MGMT: variants seen among roughly 807,000 people sequenced by gnomAD.
MGMT encodes methylated-DNA--protein-cysteine methyltransferase.
A neutral mutation model predicts 15.9 loss-of-function variants in MGMT; 14 were observed. The observed-to-expected ratio is 0.88, with a 90% CI of 0.58 to 1.37. The LOEUF is 1.37. MGMT is among the 40% of genes most tolerant of loss of function. The pLI is 0.00. For missense variants in MGMT, 282 were observed against 268.1 expected, an observed-to-expected ratio of 1.05 and a Z score of -0.36; for synonymous variants, 130 against 118.2, an observed-to-expected ratio of 1.10 and a Z score of -0.65.
At chr10:129,698,116 G>A (rs1848053200) in intron 2 of MGMT, among the ~76,000 whole-genome samples, 1 of 152,210 alleles carries the variant, frequency 6.6e-6, no homozygotes, top group South Asian at 2.1e-4. Context: ...CCTCAGCCGG[G>A]CAGGGCAAGC....
intron 2 of MGMT, among the ~76,000 whole-genome samples, chr10:129,640,945 A>T (rs1416715228): frequency 6.6e-6 from 1 of 152,216 alleles, no homozygotes; most frequent in Non-Finnish European, 1.5e-5. Flanking sequence ...ATGATAAAAG[A>T]TTGAATGTTT....
chr10:129,712,807 T>A (rs535135634), intron 3 of MGMT, among the ~76,000 whole-genome samples: 1 of 152,196 alleles, frequency 6.6e-6, no homozygotes, highest in Admixed American at 6.5e-5. Flanking sequence ...AAGCAAAGGC[T>A]CATCCAGCCC....
At chr10:129,664,696 A>G (rs1302364842) in intron 2 of MGMT, among the ~76,000 whole-genome samples, 2 of 152,234 alleles carry the variant, frequency 1.3e-5, no homozygotes, top group Non-Finnish European at 2.9e-5. Flanking sequence ...AGCCTAGAAC[A>G]AGAAGAATGA....
rs141915496 is a variant in MGMT, at chr10:129,688,750, A to G, written c.126-19145A>G. Among the ~76,000 whole-genome samples the G allele has an allele frequency of 6.0e-3, 910 of 152,290 alleles. 17 individuals carry two copies. The highest frequency in any genetic ancestry group is 0.043 in the Admixed American group (665 of 15,300). ...ATGGCAACAAAAGCCAAAATTGACA[A>G]ATGGTATCTAATTAAACTAAAGAAC... On this transcript the variant is annotated intron_variant, in intron 2 of 4. Coordinates refer to ENST00000651593, the MANE Select transcript of MGMT (RefSeq NM_002412.5).
At chr10:129,596,467 C>T (rs1313038341) in intron 2 of MGMT, among the ~76,000 whole-genome samples, 1 of 152,124 alleles carries the variant, frequency 6.6e-6, no homozygotes, top group Non-Finnish European at 1.5e-5. Context: ...ACCCTTCCTT[C>T]GGGATGTATC....
In MGMT at chr10:129,688,306, A is replaced by G. The variant is rs149530552; in HGVS notation, c.126-19589A>G. Among the ~76,000 whole-genome samples, 167 of 152,324 alleles carry G rather than the reference A, an allele frequency of 1.1e-3. 2 individuals are homozygous for G. The East Asian group carries it at 0.03, about 27-fold the overall frequency. ...GGTTGAACTAGTTTACAGTCCCACC[A>G]ACAGTATTAAAGTGTTCCTATTTCT... On this transcript the variant is annotated intron_variant, in intron 2 of 4. Transcript: ENST00000651593.
chr10:129,483,504 C>T (rs150121938), intron 1 of MGMT, among the ~76,000 whole-genome samples: 47 of 152,246 alleles, frequency 3.1e-4, no homozygotes, highest in African/African-American at 1.1e-3. Flanking sequence ...GCCTTTGTCT[C>T]ACCTGCATTC....
At chr10:129,632,301 G>A (rs1847218911) in intron 2 of MGMT, among the ~76,000 whole-genome samples, 1 of 152,162 alleles carries the variant, frequency 6.6e-6, no homozygotes, top group African/African-American at 2.4e-5. Flanking sequence ...GAAGTGGATT[G>A]CATGTGGGCG....
At chr10:129,580,789 C>T (rs1846544365) in intron 2 of MGMT, among the ~76,000 whole-genome samples, 1 of 152,240 alleles carries the variant, frequency 6.6e-6, no homozygotes, top group East Asian at 1.9e-4. Flanking sequence ...AACTGGGCAG[C>T]TCAAGGCAGC....
chr10:129,533,854 A>T lies in MGMT; in HGVS notation c.-12-2387A>T, dbSNP rs553193571. Among the ~76,000 whole-genome samples the T allele has an allele frequency of 2.6e-5, 4 of 152,236 alleles. No individual in the cohort carries two copies. In the South Asian group the frequency reaches 6.2e-4, roughly 24 times the overall value. On this transcript the variant is annotated intron_variant, in intron 1 of 4. Coordinates refer to ENST00000651593, the MANE Select transcript of MGMT (RefSeq NM_002412.5). This position sits in a 1 kb window ranked among gnomAD's most constrained non-coding sequence, Gnocchi z 4.5. Reference sequence around the variant, plus strand: ...TGGGCCAAGATTGTGGCTCTGAGAAATGGAGATGGGAGAAGGGGAGGCAGT... The same window carrying T: ...TGGGCCAAGATTGTGGCTCTGAGAATTGGAGATGGGAGAAGGGGAGGCAGT...
At chr10:129,525,679 A>G (rs904026077) in intron 1 of MGMT, among the ~76,000 whole-genome samples, 1 of 152,154 alleles carries the variant, frequency 6.6e-6, no homozygotes, top group African/African-American at 2.4e-5. Flanking sequence ...CTGTTCCAGG[A>G]CCCAGACCCT....
At chr10:129,712,531 G>T (rs78256753) in intron 3 of MGMT, among the ~76,000 whole-genome samples, 1 of 151,966 alleles carries the variant, frequency 6.6e-6, no homozygotes, top group African/African-American at 2.4e-5. Flanking sequence ...TGTCTCCATC[G>T]AATTCCTCAT....
intron 2 of MGMT, among the ~76,000 whole-genome samples, chr10:129,621,403 A>G (rs986138385): frequency 1.3e-5 from 2 of 152,240 alleles, no homozygotes; most frequent in African/African-American, 2.4e-5. Flanking sequence ...AGAAATAATC[A>G]TTTAGAATTG....
At chr10:129,508,114 C>T (rs887715550) in intron 1 of MGMT, among the ~76,000 whole-genome samples, 1 of 152,098 alleles carries the variant, frequency 6.6e-6, no homozygotes, top group Non-Finnish European at 1.5e-5. Context: ...CTGGTACAGC[C>T]CAGTAGCAGT....
At chr10:129,658,915 A>G (rs6482743) in intron 2 of MGMT, among the ~76,000 whole-genome samples, 74,048 of 151,918 alleles carry the variant, frequency 0.49, 19,230 homozygotes, top group African/African-American at 0.68. Context: ...AAGGCCTCCC[A>G]GGTGTCGCTG....
chr10:129,478,198 A>G (rs1239118781), intron 1 of MGMT, among the ~76,000 whole-genome samples: 4 of 144,154 alleles, frequency 2.8e-5, no homozygotes, highest in Non-Finnish European at 4.5e-5. Context: ...ACCAGTCTCT[A>G]CAGGTTCATT....
intron 1 of MGMT, among the ~76,000 whole-genome samples, chr10:129,468,290 T>G (rs1162742005): frequency 1.3e-5 from 2 of 152,080 alleles, no homozygotes; most frequent in Non-Finnish European, 2.9e-5. Flanking sequence ...ACCCAAAGCT[T>G]AGCGCACCTG....
rs1847132268 is a variant in MGMT, at chr10:129,625,155, T to C, written c.126-82740T>C. Among the ~76,000 whole-genome samples the C allele has an allele frequency of 2.0e-5, 3 of 152,334 alleles. No homozygotes were observed. In the South Asian group the frequency reaches 6.2e-4, roughly 32 times the overall value. On this transcript the variant is annotated intron_variant, in intron 2 of 4. Coordinates refer to ENST00000651593, the MANE Select transcript of MGMT (RefSeq NM_002412.5). ...ATGTTGACAAATTTGACAGTTTAGA[T>C]ACAATGAGCTAAGTTTTTGTCAGAG...
intron 2 of MGMT, among the ~76,000 whole-genome samples, chr10:129,668,869 T>C (rs901222958): frequency 6.6e-6 from 1 of 152,192 alleles, no homozygotes; most frequent in Non-Finnish European, 1.5e-5. Context: ...ATCTCTACAA[T>C]TTTGAGTCAT....
Sources: allele counts gnomAD v4.1 joint callset (sites outside exome capture counted in the v4.1 genomes callset), GRCh38; gene constraint gnomAD v4.1.1; non-coding constraint Gnocchi (gnomAD v3.1); transcripts MANE v1.5; gene names NCBI Gene and HGNC (gene_info 2026-07-23, HGNC 2026-07-21).